The following SULT1E1 variants were observed in gnomAD, a reference collection of about 807,000 sequenced individuals.
SULT1E1 encodes the protein sulfotransferase 1E1.
A neutral mutation model predicts 33.6 loss-of-function variants in SULT1E1; 36 were observed. That is an observed-to-expected ratio of 1.07 (90% CI 0.82 to 1.41). SULT1E1 has a LOEUF of 1.41. Among genes scored for constraint, SULT1E1 ranks in the 40% most tolerant of loss-of-function variants. The probability of loss-of-function intolerance (pLI) is 0.00; values close to 1 mark genes in which losing one functional copy is unlikely to be tolerated. For synonymous variants in SULT1E1, 121 were observed against 111.7 expected (o/e 1.08, Z -0.53); for missense variants, 371 against 345.7 (o/e 1.07, Z -0.58).
At chr4:69,827,577 G>A in the SULT1E1 span, among the ~76,000 whole-genome samples, 10 of 152,132 alleles carry the variant, frequency 6.6e-5, no homozygotes, top group Admixed American at 2.6e-4. Flanking sequence ...TGACTCCTTC[G>A]AGGGTCAATT....
chr4:69,832,236 A>G, the SULT1E1 span, among the ~76,000 whole-genome samples: 1 of 152,058 alleles, frequency 6.6e-6, no homozygotes, highest in Non-Finnish European at 1.5e-5. Context: ...GAAGCAGGAG[A>G]GCCGATCTCC....
the SULT1E1 span, among the ~76,000 whole-genome samples, chr4:69,832,721 C>T: frequency 3.3e-5 from 5 of 152,174 alleles, no homozygotes; most frequent in South Asian, 2.1e-4. Flanking sequence ...GCTAGACCTG[C>T]TCAGGCACGT....
chr4:69,846,700 C>T (rs1023969134), intron 6 of SULT1E1, among the ~76,000 whole-genome samples: 1 of 151,652 alleles, frequency 6.6e-6, no homozygotes, highest in East Asian at 1.9e-4. Context: ...CAAGTTGTTT[C>T]CAGTGTTTGT....
downstream of SULT1E1, among the ~76,000 whole-genome samples, chr4:69,836,387 G>T (rs1720797681): frequency 6.6e-6 from 1 of 152,132 alleles, no homozygotes; most frequent in Non-Finnish European, 1.5e-5. Context: ...ATCTTATAGA[G>T]ACATTCTAAG....
At chr4:69,848,136 AAGGGAGTTGACTT>A (rs1286202442) in intron 5 of SULT1E1, among the ~76,000 whole-genome samples, 1 of 150,840 alleles carries the variant, frequency 6.6e-6, no homozygotes, top group Admixed American at 6.6e-5. Flanking sequence ...ATTGTTAGTG[AAGGGAGTTGACTT>A]AGTGAAACTA....
In SULT1E1 at chr4:69,856,030, T is replaced by C. The variant is rs2110073773; in HGVS notation, c.146-604A>G. ...GCTGACATGACATTTTGACAAGAAA[T>C]GCCTTTGAGAGGATGTGATCCTTCA... On this transcript the variant is annotated intron_variant, in intron 2 of 7. Transcript: ENST00000226444. 2.0e-5 allele frequency among the ~76,000 whole-genome samples: 3 copies of C among 152,332 alleles called. No homozygotes were observed. In the South Asian group the frequency reaches 6.2e-4, roughly 32 times the overall value.
At chr4:69,842,773 T>C (rs1440526527) in intron 7 of SULT1E1, among the ~76,000 whole-genome samples, 1 of 152,136 alleles carries the variant, frequency 6.6e-6, no homozygotes, top group Non-Finnish European at 1.5e-5. Flanking sequence ...TCCAGCAGGC[T>C]TTTCCTGTTT....
At chr4:69,834,483 C>T in the SULT1E1 span, among the ~76,000 whole-genome samples, 1 of 152,322 alleles carries the variant, frequency 6.6e-6, no homozygotes, top group African/African-American at 2.4e-5. Flanking sequence ...CAATTGCCCA[C>T]TTCTTATATT....
intron 4 of SULT1E1, among the ~76,000 whole-genome samples, chr4:69,852,046 GAT>G (rs1721126468): frequency 6.6e-6 from 1 of 151,806 alleles, no homozygotes. Context: ...ATGGGTGCAG[GAT>G]ACCAACATGG....
the SULT1E1 span, among the ~76,000 whole-genome samples, chr4:69,823,546 C>T: frequency 6.6e-6 from 1 of 152,278 alleles, no homozygotes; most frequent in African/African-American, 2.4e-5. Context: ...TTCCTGCCCT[C>T]TGGTGCCACC....
In SULT1E1 at chr4:69,844,192, C is replaced by G. The variant is rs1188553969; in HGVS notation, c.741G>C (p.Met247Ile). 6.2e-7 allele frequency: 1 copy of G among 1,613,902 alleles called. No individual in the cohort carries two copies. The highest frequency in any genetic ancestry group is 1.3e-5 in the African/African-American group (1 of 75,024). Reference protein sequence around the residue: ...TNYTTLPDEIMNQKLSPFMRK... With the variant: ...TNYTTLPDEIINQKLSPFMRK... ...TCATGAAGGGCGACAATTTCTGGTTCATAATTTCGTCTGGCAGTGTTGTGT... is the reference window on the plus strand; with the variant it reads ...TCATGAAGGGCGACAATTTCTGGTTGATAATTTCGTCTGGCAGTGTTGTGT... The change falls in exon 7 of 8, where the codon ATG becomes ATC. Residue 247 changes from methionine to isoleucine, a missense_variant. By Grantham distance (10) the Met-to-Ile change is conservative. Transcript: ENST00000226444.
intron 4 of SULT1E1, among the ~76,000 whole-genome samples, chr4:69,850,032 T>A (rs1721070526): frequency 6.6e-6 from 1 of 151,840 alleles, no homozygotes; most frequent in Admixed American, 6.6e-5. Flanking sequence ...TAAAAAAAAA[T>A]AGTTCTGAGG....
chr4:69,840,843 G>C (rs539428736), downstream of SULT1E1, among the ~76,000 whole-genome samples: 24 of 152,114 alleles, frequency 1.6e-4, no homozygotes, highest in East Asian at 4.1e-3. Flanking sequence ...TCAGGAGATC[G>C]AGACCATCCT....
rs765621499 is a variant in SULT1E1, at chr4:69,842,000, CT to C, written c.878del (p.Glu293GlyfsTer30). On this transcript the variant is annotated frameshift_variant, in exon 8 of 8. Coordinates refer to ENST00000226444, the MANE Select transcript of SULT1E1 (RefSeq NM_005420.3). LOFTEE classifies it high-confidence loss of function. ...TAAGTAAAGAAAGACCTTCTTAGAT[CT>C]CAGTTCGAAACTTCAGTGTAGATTC... is the stretch of plus-strand genomic sequence containing the variant. ...MKESTLKFRT[E>X]I is the part of the protein sequence containing the mutation. 6.3e-7 allele frequency: 1 copy of C among 1,580,384 alleles called. No homozygotes were observed.
At chr4:69,829,742 A>C in the SULT1E1 span, among the ~76,000 whole-genome samples, 1 of 152,202 alleles carries the variant, frequency 6.6e-6, no homozygotes, top group Non-Finnish European at 1.5e-5. Context: ...ACCGATAGAA[A>C]GGCCTTCTTT....
chr4:69,824,540 C>T, the SULT1E1 span, among the ~76,000 whole-genome samples: 1 of 152,156 alleles, frequency 6.6e-6, no homozygotes, highest in Non-Finnish European at 1.5e-5. Flanking sequence ...GATCCAGACG[C>T]AGCAGAACCC....
chr4:69,851,052 C>T (rs1049442310), intron 4 of SULT1E1, among the ~76,000 whole-genome samples: 1 of 151,916 alleles, frequency 6.6e-6, no homozygotes, highest in African/African-American at 2.4e-5. Context: ...CTTTAAAGAC[C>T]CCTATTCTTT....
the SULT1E1 span, among the ~76,000 whole-genome samples, chr4:69,825,706 G>T: frequency 6.6e-6 from 1 of 152,094 alleles, no homozygotes; most frequent in Non-Finnish European, 1.5e-5. Context: ...CAGCTCCGGG[G>T]TCCCGACAAC....
chr4:69,855,649 A>G (rs1417338434), intron 2 of SULT1E1, among the ~76,000 whole-genome samples: 1 of 152,238 alleles, frequency 6.6e-6, no homozygotes, highest in African/African-American at 2.4e-5. Context: ...AGCACACCTG[A>G]GACCTGTGTC....
Sources: allele counts gnomAD v4.1 joint callset (sites outside exome capture counted in the v4.1 genomes callset), GRCh38; gene constraint gnomAD v4.1.1; transcripts MANE v1.5; gene names NCBI Gene and HGNC (gene_info 2026-07-23, HGNC 2026-07-21).